SNX6: variants seen among roughly 807,000 people sequenced by gnomAD.
SNX6 encodes the protein sorting nexin-6.
A neutral mutation model predicts 63.0 loss-of-function variants in SNX6; 34 were observed. The observed-to-expected ratio is 0.54, with a 90% confidence interval of 0.41 to 0.72. The LOEUF (loss-of-function observed/expected upper bound fraction) is 0.72, where lower values mean the gene tolerates loss of function less well. Ranked by LOEUF, SNX6 falls within the 30% of genes least tolerant of loss-of-function variation. The pLI, the probability that SNX6 is intolerant of heterozygous loss-of-function variation, is 0.00. For synonymous variants in SNX6, 170 were observed against 164.2 expected (o/e 1.04, Z -0.27); for missense variants, 398 against 471.4 (o/e 0.84, Z 1.44).
chr14:34,576,610 G>C (rs1355957543), intron 10 of SNX6, among the ~76,000 whole-genome samples: 1 of 151,426 alleles, frequency 6.6e-6, no homozygotes, highest in African/African-American at 2.4e-5. Flanking sequence ...TGCCACGCCT[G>C]GCTAACTTTT....
intron 8 of SNX6, 146 bp downstream of exon 8, chr14:34,592,899 G>T (rs1882453626): frequency 5.0e-6 from 3 of 604,606 alleles, no homozygotes; most frequent in Non-Finnish European, 8.7e-6. Context: ...GACCTCACAG[G>T]CTCACTATAA....
rs944603588 is a variant in SNX6, at chr14:34,597,398, T to C, written c.612+152A>G. The C allele has an allele frequency of 4.8e-5, 28 of 577,660 alleles. No homozygotes were observed. The Admixed American group carries it at 7.1e-4, about 15-fold the overall frequency. 35.8% of individuals were successfully genotyped at this position (577,660 alleles called of 1,614,324 possible). A position where few individuals can be genotyped will look rare whatever the true frequency, so the allele number is the denominator to read the frequency against. On this transcript the variant is annotated intron_variant, in intron 7 of 13. Coordinates refer to ENST00000362031, the MANE Select transcript of SNX6 (RefSeq NM_152233.4). ...GAAGGGAACGCTCTAAAGAGAGGAA[T>C]CTAGGTCAGGAGGATTCCTCCTGTT...
intron 2 of SNX6, among the ~76,000 whole-genome samples, chr14:34,619,521 CT>C (rs1417372132): frequency 1.1e-4 from 17 of 151,494 alleles, no homozygotes; most frequent in Admixed American, 4.6e-4. Flanking sequence ...ATTTAATAAA[CT>C]TTTTTTTCAG....
intron 2 of SNX6, among the ~76,000 whole-genome samples, chr14:34,622,164 G>T (rs1021317284): frequency 1.3e-5 from 2 of 150,120 alleles, no homozygotes; most frequent in South Asian, 4.2e-4. Flanking sequence ...GTTTCGTCAC[G>T]TTGGCCAGGC....
At chr14:34,587,124 C>T (rs1230289951) in intron 8 of SNX6, among the ~76,000 whole-genome samples, 1 of 149,800 alleles carries the variant, frequency 6.7e-6, no homozygotes, top group Non-Finnish European at 1.5e-5. Context: ...AAAATAATTA[C>T]TAGAACTAAT....
chr14:34,570,047 T>C (rs893989091), intron 11 of SNX6, among the ~76,000 whole-genome samples: 14 of 151,388 alleles, frequency 9.2e-5, no homozygotes, highest in African/African-American at 3.2e-4. Context: ...CCAACACTTA[T>C]TTTGTTTTTT....
chr14:34,625,125 C>T (rs1883778318), intron 2 of SNX6, among the ~76,000 whole-genome samples: 1 of 152,014 alleles, frequency 6.6e-6, no homozygotes, highest in Non-Finnish European at 1.5e-5. Context: ...CTATGTTGGT[C>T]AGGCTGGTCT....
chr14:34,622,869 CA>C (rs1883678516), intron 2 of SNX6, among the ~76,000 whole-genome samples: 2 of 152,236 alleles, frequency 1.3e-5, no homozygotes, highest in Non-Finnish European at 2.9e-5. Flanking sequence ...TTTCCTTTCC[CA>C]AATAGGAATA....
chr14:34,622,098 A>G (rs1003172575), intron 2 of SNX6, among the ~76,000 whole-genome samples: 3 of 150,718 alleles, frequency 2.0e-5, no homozygotes, highest in African/African-American at 7.3e-5. Context: ...AGCTGGGATT[A>G]CAGGCACCTA....
At chr14:34,564,332 C>A (rs571485051) in intron 13 of SNX6, among the ~76,000 whole-genome samples, 93 of 152,182 alleles carry the variant, frequency 6.1e-4, no homozygotes, top group Non-Finnish European at 1.1e-3. Context: ...CCAGCCTTCA[C>A]TGTAGGATAT....
chr14:34,568,233 AT>A (rs143514066), intron 11 of SNX6, among the ~76,000 whole-genome samples: 557 of 138,016 alleles, frequency 4.0e-3, no homozygotes, highest in East Asian at 0.016. Flanking sequence ...CAACCTCTGA[AT>A]TTTTTTTTTT....
chr14:34,586,798 A>C (rs890403156), intron 8 of SNX6, among the ~76,000 whole-genome samples: 1 of 151,870 alleles, frequency 6.6e-6, no homozygotes. Flanking sequence ...TCATGAGGTC[A>C]GGAGATTAGG....
At chr14:34,572,752 C>A (rs903597195) in intron 11 of SNX6, among the ~76,000 whole-genome samples, 2 of 152,018 alleles carry the variant, frequency 1.3e-5, no homozygotes, top group African/African-American at 4.8e-5. Context: ...GCGATCTCGG[C>A]TCACTGCAAG....
intron 10 of SNX6, among the ~76,000 whole-genome samples, chr14:34,577,912 T>C (rs1354144438): frequency 6.6e-6 from 1 of 151,932 alleles, no homozygotes; most frequent in Non-Finnish European, 1.5e-5. Context: ...ATGTAGAAAA[T>C]GTTAATATTG....
intron 5 of SNX6, chr14:34,604,055 G>GA (rs77834149): frequency 0.18 from 138,742 of 782,728 alleles, 336 homozygotes; most frequent in Non-Finnish European, 0.19. Context: ...CAGTTTGGGG[G>GA]AAAAAAAAAA....
chr14:34,624,268 T>G (rs1025020406), intron 2 of SNX6, among the ~76,000 whole-genome samples: 1 of 152,028 alleles, frequency 6.6e-6, no homozygotes, highest in Non-Finnish European at 1.5e-5. Flanking sequence ...GCCCGGCTAA[T>G]TTTTGTATTT....
intron 7 of SNX6, among the ~76,000 whole-genome samples, chr14:34,594,307 C>CG (rs1882515207): frequency 8.2e-6 from 1 of 121,628 alleles, no homozygotes; most frequent in Admixed American, 7.5e-5. Context: ...CTGTCTTCAA[C>CG]CTTTTTTTTT....
In SNX6 at chr14:34,563,144, G is replaced by A. The variant is rs756293655; in HGVS notation, c.1199C>T (p.Ala400Val). 2 of 1,613,980 alleles carry A rather than the reference G, an allele frequency of 1.2e-6. No individual in the cohort carries two copies. Among genetic ancestry groups the A allele is most frequent in the Admixed American group, 3.3e-5 (2 of 59,988 alleles). ...GGCTTATGTGTCTCCATTTAACACT[G>A]CCAGGCAGTTCTGCAGCAACTGTAG... ...GNLQLLQNCL[A>V]VLNGDT The change falls in exon 14 of 14, where the codon GCA (alanine) becomes GTA (valine). Residue 400 changes from alanine (A) to valine (V), a missense_variant. Transcript: ENST00000362031.
intron 2 of SNX6, among the ~76,000 whole-genome samples, chr14:34,618,701 C>T (rs1468578345): frequency 1.3e-5 from 2 of 151,990 alleles, no homozygotes; most frequent in Admixed American, 6.6e-5. Context: ...TCTTTGCAAC[C>T]GCTGGTTCCC....
Sources: allele counts gnomAD v4.1 joint callset (sites outside exome capture counted in the v4.1 genomes callset), GRCh38; gene constraint gnomAD v4.1.1; transcripts MANE v1.5; gene names NCBI Gene and HGNC (gene_info 2026-07-23, HGNC 2026-07-21).